ITPR1: variants seen among roughly 807,000 people sequenced by gnomAD.
ITPR1 encodes the protein inositol 1,4,5-trisphosphate-gated calcium channel ITPR1.
ITPR1 carries 96 observed loss-of-function variants against 318.4 expected under a neutral mutation model. That is an observed-to-expected ratio of 0.30 (90% CI 0.26 to 0.36). ITPR1 has a LOEUF of 0.36. Ranked by LOEUF, ITPR1 falls within the 10% of genes least tolerant of loss-of-function variation. ITPR1 has a pLI of 1.00. For synonymous variants in ITPR1, 1,312 were observed against 1,289.9 expected, an observed-to-expected ratio of 1.02 and a Z score of -0.37; for missense variants, 2,440 against 3,460.2, an observed-to-expected ratio of 0.71 and a Z score of 7.40.
At chr3:4,699,093 A>G (rs562522485) in intron 34 of ITPR1, among the ~76,000 whole-genome samples, 2 of 152,030 alleles carry the variant, frequency 1.3e-5, no homozygotes, top group South Asian at 2.1e-4. Flanking sequence ...TCACACCTGT[A>G]ATCCCAGTAC....
At chr3:4,744,802 C>T (rs1242719201) in intron 44 of ITPR1, among the ~76,000 whole-genome samples, 1 of 152,202 alleles carries the variant, frequency 6.6e-6, no homozygotes, top group East Asian at 1.9e-4. Context: ...TCCTAAGTCC[C>T]AAGATATGTT....
At chr3:4,741,224 A>G (rs1453200199) in intron 44 of ITPR1, among the ~76,000 whole-genome samples, 2 of 152,032 alleles carry the variant, frequency 1.3e-5, no homozygotes, top group Non-Finnish European at 2.9e-5. Context: ...TGTTTTTTTT[A>G]AGCCAATACA....
intron 39 of ITPR1, among the ~76,000 whole-genome samples, chr3:4,714,341 C>A (rs1415680251): frequency 6.6e-6 from 1 of 152,186 alleles, no homozygotes; most frequent in African/African-American, 2.4e-5. Flanking sequence ...CCTCCCATCC[C>A]TGTTTTCTGA....
At chr3:4,508,115 C>T (rs1038139466) in intron 2 of ITPR1, among the ~76,000 whole-genome samples, 14 of 152,270 alleles carry the variant, frequency 9.2e-5, no homozygotes, top group African/African-American at 3.4e-4. Flanking sequence ...ACCTGACTCT[C>T]ATGCTCAGAA....
At chr3:4,595,487 C>T (rs1344222189) in intron 4 of ITPR1, among the ~76,000 whole-genome samples, 1 of 152,218 alleles carries the variant, frequency 6.6e-6, no homozygotes, top group Non-Finnish European at 1.5e-5. Context: ...GGTCTCACCT[C>T]CAACACTGGG....
intron 4 of ITPR1, among the ~76,000 whole-genome samples, chr3:4,585,789 C>CT (rs1329836854): frequency 6.6e-6 from 1 of 151,746 alleles, no homozygotes; most frequent in Admixed American, 6.6e-5. Flanking sequence ...TTATATTATA[C>CT]TTTAAGTTCT....
At chr3:4,719,220 C>T (rs2041977360) in intron 40 of ITPR1, among the ~76,000 whole-genome samples, 1 of 152,226 alleles carries the variant, frequency 6.6e-6, no homozygotes, top group African/African-American at 2.4e-5. Flanking sequence ...GGCAGCCACT[C>T]AGATTCTTTG....
At position 4,711,121 on chromosome 3, in the gene ITPR1, G is replaced by A. The variant is rs1454522122; in HGVS notation, c.4992-636G>A. ...CAGCTACTCTGTGGCTGAGGCAGGG[G>A]AATCACTTGAACCCAGGAAGCAGAG... On this transcript the variant is annotated intron_variant, in intron 38 of 61. Coordinates refer to ENST00000649015, the MANE Select transcript of ITPR1 (RefSeq NM_001378452.1). 5.5e-5 allele frequency among the ~76,000 whole-genome samples: 8 copies of A among 145,498 alleles called. No individual in the cohort carries two copies. The East Asian group carries it at 1.4e-3, about 26-fold the overall frequency.
intron 41 of ITPR1, among the ~76,000 whole-genome samples, chr3:4,726,098 T>C (rs1327922243): frequency 6.6e-6 from 1 of 152,212 alleles, no homozygotes; most frequent in African/African-American, 2.4e-5. Flanking sequence ...GGCACAACCT[T>C]GGCTCACTGC....
chr3:4,496,741 C>A (rs865914959), intron 2 of ITPR1, among the ~76,000 whole-genome samples: 1 of 152,176 alleles, frequency 6.6e-6, no homozygotes, highest in African/African-American at 2.4e-5. Context: ...TGGTGTGCAA[C>A]CAACTGACTT....
chr3:4,819,350 G>A (rs535028717), intron 60 of ITPR1, among the ~76,000 whole-genome samples: 1 of 152,320 alleles, frequency 6.6e-6, no homozygotes, highest in East Asian at 1.9e-4. Flanking sequence ...TGAATTCCAT[G>A]CTTCTCAAAT....
chr3:4,617,939 G>A (rs1041389328), intron 4 of ITPR1, among the ~76,000 whole-genome samples: 1 of 151,182 alleles, frequency 6.6e-6, no homozygotes, highest in African/African-American at 2.4e-5. Context: ...GAGCAATGAT[G>A]GTGCCACTGA....
chr3:4,508,568 G>A (rs890501635), intron 2 of ITPR1, among the ~76,000 whole-genome samples: 1 of 149,704 alleles, frequency 6.7e-6, no homozygotes, highest in Non-Finnish European at 1.5e-5. Flanking sequence ...AGTCAAATGA[G>A]TGAGTTTTCT....
At chr3:4,559,695 A>C (rs1575530857) in intron 4 of ITPR1, among the ~76,000 whole-genome samples, 2 of 152,200 alleles carry the variant, frequency 1.3e-5, no homozygotes, top group South Asian at 2.1e-4. Flanking sequence ...ACTAGGAGCC[A>C]GCCATTTTAT....
chr3:4,531,523 C>T (rs1320549955), intron 4 of ITPR1, among the ~76,000 whole-genome samples: 1 of 152,070 alleles, frequency 6.6e-6, no homozygotes, highest in Non-Finnish European at 1.5e-5. Context: ...TAGTGGTTCC[C>T]CAGTTGTGCT....
In ITPR1 at chr3:4,737,520, G is replaced by A. The variant is rs75740588; in HGVS notation, c.5544+2166G>A. Among the ~76,000 whole-genome samples, 405 of 152,310 alleles carry A rather than the reference G, an allele frequency of 2.7e-3. 4 individuals carry two copies. The highest frequency in any genetic ancestry group is 9.3e-3 in the African/African-American group (388 of 41,554). ...GTTGGGTTTCCAGAACAGCGGTTGG[G>A]TCTTTCAGACCGAGGAGTGCTATGT... is the stretch of plus-strand genomic sequence containing the variant. On this transcript the variant is annotated intron_variant, in intron 44 of 61. Coordinates refer to ENST00000649015, the MANE Select transcript of ITPR1 (RefSeq NM_001378452.1).
chr3:4,625,980 G>T (rs922093203), intron 4 of ITPR1, among the ~76,000 whole-genome samples: 2 of 152,132 alleles, frequency 1.3e-5, no homozygotes, highest in Non-Finnish European at 2.9e-5. Context: ...TTGGTTTGTT[G>T]ATGACATATC....
chr3:4,804,785 C>G (rs2048453789), intron 54 of ITPR1, among the ~76,000 whole-genome samples: 1 of 152,186 alleles, frequency 6.6e-6, no homozygotes, highest in Admixed American at 6.5e-5. Context: ...GAATGCTTAG[C>G]CTGTCTGAGA....
Position 4,639,374 on chromosome 3 carries a change from C to A in ITPR1, c.280-10C>A, listed in dbSNP as rs761952049. On this transcript the variant is annotated splice_polypyrimidine_tract_variant and intron_variant, in intron 5 of 61. Coordinates refer to ENST00000649015, the MANE Select transcript of ITPR1 (RefSeq NM_001378452.1). ...CCTCTTTGTGATCAATCTTTCTTCT[C>A]AATGCACAGCACGCTGCAGACTTGG... is the stretch of plus-strand genomic sequence containing the variant. 74 of 1,554,230 alleles carry A rather than the reference C, an allele frequency of 4.8e-5. No individual in the cohort carries two copies. Among genetic ancestry groups the A allele is most frequent in the Admixed American group, 1.9e-4 (10 of 51,708 alleles).
Sources: gnomAD v4.1 joint callset for allele counts (sites outside exome capture counted in the v4.1 genomes callset) on GRCh38, gnomAD v4.1.1 for gene constraint, MANE v1.5 for transcripts, NCBI Gene and HGNC (gene_info 2026-07-23, HGNC 2026-07-21) for gene names.